The following GLB1 variants were observed in gnomAD, a reference collection of about 807,000 sequenced individuals.
The protein encoded by GLB1 is galactosidase beta 1.
Under a neutral mutation model 74.0 loss-of-function variants are expected in GLB1, and 56 were observed. That is an observed-to-expected ratio of 0.76 (90% confidence interval 0.61 to 0.94). The LOEUF (loss-of-function observed/expected upper bound fraction) is 0.94, where lower values mean the gene tolerates loss of function less well. Among genes scored for constraint, GLB1 ranks in the 40% least tolerant of loss-of-function variants. The probability of loss-of-function intolerance (pLI) is 0.00; values close to 1 mark genes in which losing one functional copy is unlikely to be tolerated. For synonymous variants in GLB1, 323 were observed against 323.6 expected, an observed-to-expected ratio of 1.00 and a Z score of 0.02; for missense variants, 787 against 845.5, an observed-to-expected ratio of 0.93 and a Z score of 0.86.
intron 2 of GLB1, among the ~76,000 whole-genome samples, chr3:33,072,173 G>A: frequency 6.6e-6 from 1 of 152,040 alleles, no homozygotes; most frequent in South Asian, 2.1e-4. Flanking sequence ...ATATGGCCTT[G>A]GGCAAATTTC....
At chr3:32,998,051 C>T (rs1253835805) in intron 15 of GLB1, among the ~76,000 whole-genome samples, 1 of 152,208 alleles carries the variant, frequency 6.6e-6, no homozygotes, top group African/African-American at 2.4e-5. Flanking sequence ...GTGTGGACTC[C>T]ATGTTTGGTT....
Position 33,022,483 on chromosome 3 carries a change from T to C in GLB1, c.1144-828A>G, listed in dbSNP as rs1188530691. Among the ~76,000 whole-genome samples the C allele has an allele frequency of 2.0e-5, 3 of 151,522 alleles. No individual in the cohort carries two copies. The East Asian group carries it at 5.8e-4, about 29-fold the overall frequency. On this transcript the variant is annotated intron_variant, in intron 11 of 15. Transcript: ENST00000307363. ...GTTGTGGAGACTCACAGAAGTCCAC[T>C]TGAGTAATGACAGAGCCAGGATTTG...
At chr3:33,016,341 G>A (rs190138078) in intron 14 of GLB1, among the ~76,000 whole-genome samples, 45 of 152,288 alleles carry the variant, frequency 3.0e-4, no homozygotes, top group Non-Finnish European at 1.9e-4. Context: ...GAGGAAAACA[G>A]CTCTTCAAAA....
At chr3:33,035,893 C>A (rs1262237047) in intron 10 of GLB1, among the ~76,000 whole-genome samples, 1 of 152,050 alleles carries the variant, frequency 6.6e-6, no homozygotes, top group Non-Finnish European at 1.5e-5. Flanking sequence ...TTCAAAGGCA[C>A]CATTACCTAT....
intron 4 of GLB1, among the ~76,000 whole-genome samples, chr3:33,067,231 G>A (rs1487350057): frequency 6.6e-6 from 1 of 151,982 alleles, no homozygotes; most frequent in African/African-American, 2.4e-5. Flanking sequence ...TCGAACTCCT[G>A]ACCTCAGGTG....
At chr3:33,072,365 A>T (rs1056762330) in intron 2 of GLB1, among the ~76,000 whole-genome samples, 179 bp downstream of exon 2, 1 of 152,192 alleles carries the variant, frequency 6.6e-6, no homozygotes, top group Non-Finnish European at 1.5e-5. Flanking sequence ...AGATTGGAAG[A>T]AGTAGTTAAT....
At chr3:33,003,270 A>C (rs1295289074) in intron 15 of GLB1, among the ~76,000 whole-genome samples, 1 of 152,224 alleles carries the variant, frequency 6.6e-6, no homozygotes, top group African/African-American at 2.4e-5. Context: ...TCAACTTCCA[A>C]CAGTTCCACC....
In GLB1 at chr3:33,093,313, G is replaced by C; in HGVS notation, c.75+3698C>G. ...TCATTATGAAGAGGCTGGACATGCA[G>C]GGATTCCAGAAGTGCAAACCAGTTG... On this transcript the variant is annotated intron_variant, in intron 1 of 15. Transcript: ENST00000307363. This position sits in a 1 kb window ranked among gnomAD's most constrained non-coding sequence, Gnocchi z 6.0. 1 of 1,614,178 alleles carries C rather than the reference G, an allele frequency of 6.2e-7. No individual in the cohort carries two copies. Among genetic ancestry groups the C allele is most frequent in the Non-Finnish European group, 8.5e-7 (1 of 1,180,034 alleles).
intron 11 of GLB1, among the ~76,000 whole-genome samples, chr3:33,023,954 T>C (rs933938060): frequency 3.9e-5 from 6 of 152,170 alleles, no homozygotes; most frequent in Admixed American, 2.6e-4. Flanking sequence ...ACAAAGGCAC[T>C]TGACACTGTT....
At chr3:33,091,551 T>C (rs939522485) in intron 1 of GLB1, 102 of 985,358 alleles carry the variant, frequency 1.0e-4, no homozygotes, top group Non-Finnish European at 1.2e-4. Flanking sequence ...AAAATTAACA[T>C]TGAGTGTTTA....
intron 1 of GLB1, among the ~76,000 whole-genome samples, chr3:33,078,347 C>A (rs924314480): frequency 1.3e-5 from 2 of 152,168 alleles, no homozygotes; most frequent in Non-Finnish European, 2.9e-5. Context: ...ATGCTAAAAC[C>A]ATTAGAAACA....
At chr3:32,977,305 A>G in the GLB1 span, among the ~76,000 whole-genome samples, 1 of 151,216 alleles carries the variant, frequency 6.6e-6, no homozygotes, top group African/African-American at 2.4e-5. Context: ...TTCCAGGTTC[A>G]AGCGATTCTC....
intron 13 of GLB1, among the ~76,000 whole-genome samples, chr3:33,017,981 G>A (rs1328428797): frequency 1.3e-5 from 2 of 152,080 alleles, no homozygotes; most frequent in Non-Finnish European, 2.9e-5. Context: ...CACAGCTAAG[G>A]GTCACCAAGA....
chr3:33,095,418 C>T (rs900799329), intron 1 of GLB1, among the ~76,000 whole-genome samples: 3 of 151,966 alleles, frequency 2.0e-5, no homozygotes, highest in East Asian at 1.9e-4. Flanking sequence ...CCCAGCTACT[C>T]GGGAGGCTGA....
intron 11 of GLB1, among the ~76,000 whole-genome samples, chr3:33,023,927 G>A (rs918519093): frequency 1.3e-5 from 2 of 152,106 alleles, no homozygotes; most frequent in Non-Finnish European, 2.9e-5. Flanking sequence ...ATAACAATGA[G>A]GTGGCATGTT....
At chr3:32,975,792 GA>G in the GLB1 span, among the ~76,000 whole-genome samples, 1 of 152,192 alleles carries the variant, frequency 6.6e-6, no homozygotes, top group Non-Finnish European at 1.5e-5. Context: ...GGATAGTGTG[GA>G]AAGTACTTTT....
chr3:33,021,714 A>C lies in GLB1; in HGVS notation c.1144-59T>G, dbSNP rs547229127. 2.5e-6 allele frequency: 4 copies of C among 1,570,462 alleles called. No homozygotes were observed. In the South Asian group the frequency reaches 4.6e-5, roughly 18 times the overall value. ...CACCCCTCACTGGTCATCAGGTTAC[A>C]GAGTCATTCCCTAATTATCAAAGAC... is the stretch of plus-strand genomic sequence containing the variant. On this transcript the variant is annotated intron_variant, in intron 11 of 15. Coordinates refer to ENST00000307363, the MANE Select transcript of GLB1 (RefSeq NM_000404.4).
chr3:32,972,643 C>T, the GLB1 span, among the ~76,000 whole-genome samples: 64,666 of 152,034 alleles, frequency 0.43, 14,211 homozygotes, highest in Middle Eastern at 0.53. Flanking sequence ...ATTAACCAGA[C>T]ATCAGCCACT....
intron 9 of GLB1, among the ~76,000 whole-genome samples, chr3:33,049,449 C>G (rs1262914681): frequency 6.6e-6 from 1 of 152,180 alleles, no homozygotes; most frequent in Non-Finnish European, 1.5e-5. Context: ...CAAAGTCTCA[C>G]CCTGTCACCC....
Sources: gnomAD v4.1 joint callset for allele counts (sites outside exome capture counted in the v4.1 genomes callset) on GRCh38, gnomAD v4.1.1 for gene constraint, Gnocchi (gnomAD v3.1) non-coding constraint, MANE v1.5 for transcripts, NCBI Gene and HGNC (gene_info 2026-07-23, HGNC 2026-07-21) for gene names.